UBAP2: variants seen among roughly 807,000 people sequenced by gnomAD.
UBAP2 encodes ubiquitin associated protein 2.
Under a neutral mutation model 139.6 loss-of-function variants are expected in UBAP2, and 75 were observed. That is an observed-to-expected ratio of 0.54 (90% CI 0.45 to 0.65). The LOEUF (loss-of-function observed/expected upper bound fraction) is 0.65, where lower values mean the gene tolerates loss of function less well. Ranked by LOEUF, UBAP2 falls within the 30% of genes least tolerant of loss-of-function variation. UBAP2 has a pLI of 0.00. For synonymous variants in UBAP2, 526 were observed against 526.2 expected, an observed-to-expected ratio of 1.00 and a Z score of 0.01; for missense variants, 1,368 against 1,369.6, an observed-to-expected ratio of 1.00 and a Z score of 0.02.
intron 2 of UBAP2, among the ~76,000 whole-genome samples, chr9:34,000,218 G>C (rs1391275126): frequency 6.6e-6 from 1 of 151,950 alleles, no homozygotes; most frequent in Non-Finnish European, 1.5e-5. Context: ...GAGTTCAAGA[G>C]ATCCTGCCGC....
chr9:33,983,151 T>C (rs1820916204), intron 6 of UBAP2, among the ~76,000 whole-genome samples: 1 of 152,188 alleles, frequency 6.6e-6, no homozygotes, highest in Non-Finnish European at 1.5e-5. Flanking sequence ...GTGCTGGGAT[T>C]ACAGATGTGA....
At chr9:34,001,829 A>G (rs1822728103) in intron 2 of UBAP2, among the ~76,000 whole-genome samples, 2 of 152,128 alleles carry the variant, frequency 1.3e-5, no homozygotes, top group Non-Finnish European at 2.9e-5. Context: ...AGCACCACTG[A>G]TGCTCATCCC....
At chr9:33,963,191 G>A (rs1190099404) in intron 9 of UBAP2, among the ~76,000 whole-genome samples, 2 of 152,152 alleles carry the variant, frequency 1.3e-5, no homozygotes, top group African/African-American at 4.8e-5. Context: ...CAACATGATA[G>A]AGTGGTAAGT....
chr9:34,006,302 C>T (rs779762489), intron 2 of UBAP2, among the ~76,000 whole-genome samples: 1 of 149,474 alleles, frequency 6.7e-6, no homozygotes, highest in Non-Finnish European at 1.5e-5. Flanking sequence ...GACAACTAGG[C>T]AGAAATGTCA....
chr9:34,035,977 T>C (rs540438753), intron 1 of UBAP2, among the ~76,000 whole-genome samples: 3 of 152,052 alleles, frequency 2.0e-5, no homozygotes, highest in Non-Finnish European at 4.4e-5. Context: ...ACTGCATTCC[T>C]GAGTGACAGA....
chr9:33,922,382 C>T lies in UBAP2; in HGVS notation c.*122G>A, dbSNP rs1220826640. The T allele has an allele frequency of 2.1e-6, 2 of 952,772 alleles. No individual in the cohort carries two copies. Among genetic ancestry groups the T allele is most frequent in the Non-Finnish European group, 3.3e-6 (2 of 604,070 alleles). The allele number at this position is 952,772 out of a possible 1,614,324, so 59.0% of individuals were successfully genotyped here. ...GCCAGTCTGGGAGGCAGACTCCCCA[C>T]AGAGGCATGGCTGACACATGTCGGG... On this transcript the variant is annotated 3_prime_UTR_variant, in exon 29 of 29. Coordinates refer to ENST00000379238, the MANE Select transcript of UBAP2 (RefSeq NM_001370062.2).
chr9:34,020,120 A>C (rs1354199008), intron 1 of UBAP2, among the ~76,000 whole-genome samples: 1 of 149,870 alleles, frequency 6.7e-6, no homozygotes, highest in Non-Finnish European at 1.5e-5. Flanking sequence ...ACTGCACTCC[A>C]GCTTGGGTGA....
chr9:33,965,642 C>G (rs1827388358), intron 8 of UBAP2, among the ~76,000 whole-genome samples: 1 of 152,088 alleles, frequency 6.6e-6, no homozygotes, highest in South Asian at 2.1e-4. Flanking sequence ...ATTGAATTGC[C>G]TCATAATCTT....
chr9:33,996,043 T>C (rs1457534061), intron 4 of UBAP2, 180 bp downstream of exon 4: 1 of 524,364 alleles, frequency 1.9e-6, no homozygotes, highest in East Asian at 3.3e-5. Context: ...TACGACTTCA[T>C]GAAGAAACCA....
intron 21 of UBAP2, 140 bp downstream of exon 21, chr9:33,926,849 A>C: frequency 1.0e-6 from 1 of 976,280 alleles, no homozygotes; most frequent in Non-Finnish European, 1.6e-6. Flanking sequence ...ACCAGGGCTC[A>C]GTGGGGCAGA....
At chr9:33,999,751 A>G (rs982519068) in intron 2 of UBAP2, among the ~76,000 whole-genome samples, 1 of 151,742 alleles carries the variant, frequency 6.6e-6, no homozygotes, top group Non-Finnish European at 1.5e-5. Context: ...TCATGCTGTT[A>G]CCCTAGCTGG....
At chr9:34,036,287 T>C (rs113144103) in intron 1 of UBAP2, among the ~76,000 whole-genome samples, 10 of 151,918 alleles carry the variant, frequency 6.6e-5, no homozygotes, top group African/African-American at 2.4e-4. Flanking sequence ...CGGATAATTT[T>C]TTATAATTTA....
chr9:34,031,602 C>A (rs922612376), intron 1 of UBAP2, among the ~76,000 whole-genome samples: 2 of 151,914 alleles, frequency 1.3e-5, no homozygotes, highest in Non-Finnish European at 2.9e-5. Context: ...CCACCACGCC[C>A]GGCCTTAACT....
intron 1 of UBAP2, among the ~76,000 whole-genome samples, chr9:34,025,817 T>C (rs1825353662): frequency 6.6e-6 from 1 of 152,200 alleles, no homozygotes; most frequent in Non-Finnish European, 1.5e-5. Flanking sequence ...TGGGCTCAGG[T>C]GATCCTCCCA....
chr9:34,041,056 G>A (rs750097747), intron 1 of UBAP2, among the ~76,000 whole-genome samples: 1 of 152,098 alleles, frequency 6.6e-6, no homozygotes, highest in Non-Finnish European at 1.5e-5. Flanking sequence ...ATGAGGACAA[G>A]TAAAATTGGT....
chr9:33,993,449 C>G (rs946809514), intron 4 of UBAP2, among the ~76,000 whole-genome samples: 1 of 152,124 alleles, frequency 6.6e-6, no homozygotes. Context: ...CTCAACAAAC[C>G]AGGGTTTCAA....
intron 4 of UBAP2, among the ~76,000 whole-genome samples, chr9:33,992,775 C>T (rs368876152): frequency 6.6e-6 from 1 of 152,110 alleles, no homozygotes; most frequent in Admixed American, 6.6e-5. Flanking sequence ...TACACACATG[C>T]ATACTTTAAA....
intron 1 of UBAP2, among the ~76,000 whole-genome samples, chr9:34,037,844 C>T (rs2131355875): frequency 6.6e-6 from 1 of 151,830 alleles, no homozygotes; most frequent in South Asian, 2.1e-4. Context: ...TACAGAAACC[C>T]CGACTGGATG....
At chr9:34,044,473 A>C (rs908329933) in intron 1 of UBAP2, among the ~76,000 whole-genome samples, 10 of 152,050 alleles carry the variant, frequency 6.6e-5, no homozygotes, top group Non-Finnish European at 1.3e-4. Flanking sequence ...GTTGAGGCAC[A>C]AGAATCACTT....
Sources: allele counts gnomAD v4.1 joint callset (sites outside exome capture counted in the v4.1 genomes callset), GRCh38; gene constraint gnomAD v4.1.1; transcripts MANE v1.5; gene names NCBI Gene and HGNC (gene_info 2026-07-23, HGNC 2026-07-21).